The following IMMP2L variants were observed in gnomAD, a reference collection of about 807,000 sequenced individuals.
IMMP2L encodes the protein inner mitochondrial membrane peptidase subunit 2.
Under a neutral mutation model 19.3 loss-of-function variants are expected in IMMP2L, and 18 were observed. The ratio of observed to expected loss-of-function variants is 0.93; its 90% CI spans 0.64 to 1.38. IMMP2L has a LOEUF of 1.38. Among genes scored for constraint, IMMP2L ranks in the 40% most tolerant of loss-of-function variants. The probability of loss-of-function intolerance (pLI) is 0.00; values close to 1 mark genes in which losing one functional copy is unlikely to be tolerated. For missense variants in IMMP2L, 233 were observed against 218.2 expected, an observed-to-expected ratio of 1.07 and a Z score of -0.43; for synonymous variants, 76 against 73.0, an observed-to-expected ratio of 1.04 and a Z score of -0.21.
At chr7:111,074,963 G>A (rs1190621722) in intron 3 of IMMP2L, among the ~76,000 whole-genome samples, 1 of 152,062 alleles carries the variant, frequency 6.6e-6, no homozygotes, top group Non-Finnish European at 1.5e-5. Context: ...TCAACACAAT[G>A]ACAGAGATCA....
chr7:111,145,380 C>T (rs1475709057), intron 3 of IMMP2L, among the ~76,000 whole-genome samples: 1 of 151,902 alleles, frequency 6.6e-6, no homozygotes, highest in Non-Finnish European at 1.5e-5. Context: ...CTTTGTATGT[C>T]TATTACCTAT....
rs542904004 is a variant in IMMP2L, at chr7:111,188,419, T to C, written c.240-224854A>G. 5.3e-5 allele frequency among the ~76,000 whole-genome samples: 8 copies of C among 152,248 alleles called. No individual in the cohort carries two copies. In the South Asian group the frequency reaches 6.2e-4, roughly 12 times the overall value. On this transcript the variant is annotated intron_variant, in intron 3 of 5. Coordinates refer to ENST00000405709, the MANE Select transcript of IMMP2L (RefSeq NM_032549.4). ...GACCTCTTCTCATTGTTTCTTCATA[T>C]GGCAGAAAGGGGGCAACAGACTGTT...
At chr7:111,277,433 A>T (rs935262904) in intron 3 of IMMP2L, among the ~76,000 whole-genome samples, 1 of 152,046 alleles carries the variant, frequency 6.6e-6, no homozygotes, top group Non-Finnish European at 1.5e-5. Context: ...TAAAAAGTCT[A>T]AAAACACTGT....
intron 5 of IMMP2L, among the ~76,000 whole-genome samples, chr7:110,677,255 T>A (rs1299263322): frequency 2.0e-5 from 3 of 152,064 alleles, no homozygotes; most frequent in African/African-American, 4.8e-5. Context: ...GAATTAGAAA[T>A]AAAGGCAGGT....
chr7:111,266,218 A>T lies in IMMP2L; in HGVS notation c.239+221020T>A, dbSNP rs184770332. 2.4e-3 allele frequency among the ~76,000 whole-genome samples: 372 copies of T among 152,184 alleles called. 1 individual carries two copies. Among genetic ancestry groups the T allele is most frequent in the African/African-American group, 7.6e-3 (318 of 41,574 alleles). ...AATGCATAAACACATGAATGAATATAAAAATGACTGAAATCTAACACTGTC... is the reference window on the plus strand; with the variant it reads ...AATGCATAAACACATGAATGAATATTAAAATGACTGAAATCTAACACTGTC... On this transcript the variant is annotated intron_variant, in intron 3 of 5. Coordinates refer to ENST00000405709, the MANE Select transcript of IMMP2L (RefSeq NM_032549.4).
chr7:111,299,309 C>A (rs142650370), intron 3 of IMMP2L, among the ~76,000 whole-genome samples: 22 of 152,216 alleles, frequency 1.4e-4, no homozygotes, highest in African/African-American at 5.3e-4. Flanking sequence ...GCTACATGAA[C>A]ATAGAACCGG....
At chr7:111,018,887 T>TA (rs567490119) in intron 3 of IMMP2L, among the ~76,000 whole-genome samples, 6 of 150,678 alleles carry the variant, frequency 4.0e-5, no homozygotes, top group East Asian at 2.0e-4. Flanking sequence ...GGCATTGATT[T>TA]AAAAAAAATC....
chr7:111,162,276 A>T (rs1318299145), intron 3 of IMMP2L, among the ~76,000 whole-genome samples: 1 of 152,130 alleles, frequency 6.6e-6, no homozygotes, highest in Non-Finnish European at 1.5e-5. Flanking sequence ...ATGAAATTTA[A>T]AAGAATCTTG....
At chr7:110,683,336 C>T (rs775480801) in intron 5 of IMMP2L, among the ~76,000 whole-genome samples, 1 of 152,006 alleles carries the variant, frequency 6.6e-6, no homozygotes, top group Non-Finnish European at 1.5e-5. Flanking sequence ...AGGGTAAATG[C>T]AATACTTTAT....
At chr7:110,802,506 T>G (rs1236703965) in intron 5 of IMMP2L, among the ~76,000 whole-genome samples, 2 of 152,048 alleles carry the variant, frequency 1.3e-5, no homozygotes, top group African/African-American at 4.8e-5. Flanking sequence ...TATTTATAAA[T>G]GTACTATAAA....
Position 111,538,213 on chromosome 7 carries a change from G to T in IMMP2L, c.-2-16764C>A, listed in dbSNP as rs192119244. 9.2e-5 allele frequency among the ~76,000 whole-genome samples: 14 copies of T among 152,090 alleles called. No individual in the cohort carries two copies. In the East Asian group the frequency reaches 2.7e-3, roughly 29 times the overall value. On this transcript the variant is annotated intron_variant, in intron 1 of 5. Transcript: ENST00000405709. ...TAAGTGCTTTGCACTTAAGTGCTCA[G>T]TGTTCAATACAGTTTCATTGAAGAA...
At chr7:111,478,377 A>G (rs1287130493) in intron 3 of IMMP2L, among the ~76,000 whole-genome samples, 2 of 152,014 alleles carry the variant, frequency 1.3e-5, no homozygotes, top group Non-Finnish European at 2.9e-5. Flanking sequence ...ATCACTTTAA[A>G]AAAATATTGA....
chr7:111,358,190 G>A (rs1828906695), intron 3 of IMMP2L, among the ~76,000 whole-genome samples: 1 of 148,926 alleles, frequency 6.7e-6, no homozygotes, highest in Non-Finnish European at 1.5e-5. Context: ...CTTCCTTTCT[G>A]GACTACTCTT....
intron 5 of IMMP2L, among the ~76,000 whole-genome samples, chr7:110,778,074 T>G (rs1046071970): frequency 3.9e-5 from 6 of 151,984 alleles, no homozygotes; most frequent in African/African-American, 1.4e-4. Flanking sequence ...GATGAACATC[T>G]GGCTTCTAGA....
intron 3 of IMMP2L, among the ~76,000 whole-genome samples, chr7:111,353,361 A>G (rs955736040): frequency 6.6e-6 from 1 of 152,178 alleles, no homozygotes; most frequent in African/African-American, 2.4e-5. Flanking sequence ...AACCAAGGCA[A>G]CACTTATTTA....
chr7:111,117,830 C>A (rs1338875028), intron 3 of IMMP2L, among the ~76,000 whole-genome samples: 1 of 151,998 alleles, frequency 6.6e-6, no homozygotes, highest in South Asian at 2.1e-4. Context: ...TTTTTCTTCA[C>A]CAATTTTTCA....
At chr7:110,827,409 C>T (rs1242496110) in intron 5 of IMMP2L, among the ~76,000 whole-genome samples, 4 of 152,130 alleles carry the variant, frequency 2.6e-5, no homozygotes, top group Non-Finnish European at 5.9e-5. Flanking sequence ...CCTTGCTTTG[C>T]CCTCTGGGAT....
chr7:111,416,134 C>T (rs970000131), intron 3 of IMMP2L, among the ~76,000 whole-genome samples: 3 of 151,682 alleles, frequency 2.0e-5, no homozygotes, highest in African/African-American at 2.4e-5. Context: ...CACCCAACTA[C>T]GCAAATAAAA....
chr7:111,125,020 G>T (rs765377354), intron 3 of IMMP2L: 2 of 751,720 alleles, frequency 2.7e-6, no homozygotes, highest in East Asian at 2.8e-5. Context: ...GATTACTTTC[G>T]AGAGAGAAGT....
Sources: allele counts gnomAD v4.1 joint callset (sites outside exome capture counted in the v4.1 genomes callset), GRCh38; gene constraint gnomAD v4.1.1; transcripts MANE v1.5; gene names NCBI Gene and HGNC (gene_info 2026-07-23, HGNC 2026-07-21).